Variants in SLC4A4 observed in about 807,000 individuals in gnomAD.
SLC4A4 encodes electrogenic sodium bicarbonate cotransporter 1.
SLC4A4 carries 27 observed loss-of-function variants against 111.5 expected under a neutral mutation model. That is an observed-to-expected ratio of 0.24 (90% confidence interval 0.18 to 0.33). The LOEUF (loss-of-function observed/expected upper bound fraction) is 0.33, where lower values mean the gene tolerates loss of function less well. Ranked by LOEUF, SLC4A4 falls within the 10% of genes least tolerant of loss-of-function variation. The pLI is 1.00. For missense variants in SLC4A4, 909 were observed against 1,315.5 expected (o/e 0.69, Z 4.78); for synonymous variants, 443 against 463.4 (o/e 0.96, Z 0.57).
chr4:71,532,708 A>G (rs1734050779), intron 17 of SLC4A4, among the ~76,000 whole-genome samples: 1 of 152,012 alleles, frequency 6.6e-6, no homozygotes, highest in African/African-American at 2.4e-5. Flanking sequence ...GTCTCACTAT[A>G]TTACCCAGTC....
chr4:71,207,624 A>G (rs1318692938), intron 1 of SLC4A4, among the ~76,000 whole-genome samples: 1 of 152,218 alleles, frequency 6.6e-6, no homozygotes, highest in Non-Finnish European at 1.5e-5. Flanking sequence ...GTGGTAAAGG[A>G]AGTATTGGAA....
chr4:71,423,282 G>A (rs1393737697), intron 7 of SLC4A4, among the ~76,000 whole-genome samples: 2 of 152,050 alleles, frequency 1.3e-5, no homozygotes, highest in African/African-American at 4.8e-5. Flanking sequence ...ACCTTACAAG[G>A]GATGTGAAGG....
At chr4:71,118,393 T>C (rs1452706615) in intron 2 of SLC4A4, among the ~76,000 whole-genome samples, 1 of 152,212 alleles carries the variant, frequency 6.6e-6, no homozygotes, top group Non-Finnish European at 1.5e-5. Flanking sequence ...CTCACTTTCA[T>C]CTTACATGAT....
chr4:71,267,135 C>T (rs922053146), intron 3 of SLC4A4, among the ~76,000 whole-genome samples: 1 of 152,134 alleles, frequency 6.6e-6, no homozygotes, highest in Non-Finnish European at 1.5e-5. Context: ...AGACTTTCTA[C>T]CCTTGGGGAG....
chr4:71,556,207 T>C, intron 21 of SLC4A4, among the ~76,000 whole-genome samples: 1 of 151,944 alleles, frequency 6.6e-6, no homozygotes, highest in Admixed American at 6.6e-5. Context: ...GTCTGCTGAG[T>C]AGAGTTCGTC....
intron 15 of SLC4A4, among the ~76,000 whole-genome samples, chr4:71,496,311 G>C (rs1730400086): frequency 6.6e-6 from 1 of 152,042 alleles, no homozygotes; most frequent in Admixed American, 6.6e-5. Flanking sequence ...ATAGGGATTT[G>C]GGGTGCGTGT....
Position 71,497,592 on chromosome 4 carries a change from T to A in SLC4A4, c.2066T>A (p.Val689Asp). 1 of 1,613,682 alleles carries A rather than the reference T, an allele frequency of 6.2e-7. No homozygotes were observed. The highest frequency in any genetic ancestry group is 2.2e-5 in the East Asian group (1 of 44,828). Residue 689 changes from valine to aspartate, a missense_variant, in exon 16 of 26, where the codon GTT becomes GAT. By Grantham distance (152) the Val-to-Asp change is radical. This residue lies in a region of SLC4A4 where 264 missense variants were observed against 356.8 expected (regional missense o/e 0.74). Coordinates refer to ENST00000264485, the MANE Select transcript of SLC4A4 (RefSeq NM_001098484.3). ...CTCGTCGGGAACAACTGTAATTTTG[T>A]TCCTGATATCACACTCATGTCTTTT... ...GNLVGNNCNFVPDITLMSFIL... is the reference protein window; with the variant it reads ...GNLVGNNCNFDPDITLMSFIL...
chr4:71,379,662 G>A (rs1717917937), intron 6 of SLC4A4, among the ~76,000 whole-genome samples: 1 of 152,104 alleles, frequency 6.6e-6, no homozygotes, highest in African/African-American at 2.4e-5. Flanking sequence ...AACCCATTCA[G>A]TTTTGTATTC....
At position 71,204,777 on chromosome 4, in the gene SLC4A4, C is replaced by T. The variant is rs146100615; in HGVS notation, c.-2+17376C>T. 5.2e-4 allele frequency among the ~76,000 whole-genome samples: 79 copies of T among 152,050 alleles called. 1 individual carries two copies. Among genetic ancestry groups the T allele is most frequent in the African/African-American group, 5.5e-4 (23 of 41,468 alleles). On this transcript the variant is annotated intron_variant, in intron 1 of 25. Transcript: ENST00000264485. ...TTTCTAGTCTAACTTAACCTTGGAG[C>T]CTGAGGAATAATGAATATAGACCAT...
intron 4 of SLC4A4, among the ~76,000 whole-genome samples, chr4:71,342,777 A>G (rs1728998999): frequency 6.6e-6 from 1 of 152,210 alleles, no homozygotes; most frequent in South Asian, 2.1e-4. Flanking sequence ...ATTGAATGAT[A>G]GGAGCATAGG....
Position 71,265,736 on chromosome 4 carries a change from C to G in SLC4A4, c.253+10337C>G, listed in dbSNP as rs531543673. ...ATTTTCAAATGATCATAGTGATTCT[C>G]TAACGATTTTCCCTTTATTCTTATG... On this transcript the variant is annotated intron_variant, in intron 3 of 25. Transcript: ENST00000264485. Among the ~76,000 whole-genome samples the G allele has an allele frequency of 2.0e-5, 3 of 152,264 alleles. No homozygotes were observed. The East Asian group carries it at 5.8e-4, about 29-fold the overall frequency.
At chr4:71,109,164 G>A (rs74466489) in intron 2 of SLC4A4, among the ~76,000 whole-genome samples, 1,522 of 150,440 alleles carry the variant, frequency 0.01, 21 homozygotes, top group Non-Finnish European at 0.015. Flanking sequence ...TTTTTTGATT[G>A]CTGTAGGCTG....
At chr4:71,372,055 A>G (rs1731942245) in intron 6 of SLC4A4, among the ~76,000 whole-genome samples, 1 of 152,254 alleles carries the variant, frequency 6.6e-6, no homozygotes, top group Non-Finnish European at 1.5e-5. Flanking sequence ...ATGGACTTAA[A>G]AAACTGCCAG....
chr4:71,082,294 G>C (rs539584475), intron 1 of SLC4A4, among the ~76,000 whole-genome samples: 1 of 151,918 alleles, frequency 6.6e-6, no homozygotes, highest in Non-Finnish European at 1.5e-5. Flanking sequence ...TTTGCAGCCA[G>C]TTATATAGTT....
intron 20 of SLC4A4, among the ~76,000 whole-genome samples, chr4:71,551,714 A>G (rs1171467712): frequency 6.6e-6 from 1 of 151,870 alleles, no homozygotes; most frequent in Non-Finnish European, 1.5e-5. Flanking sequence ...TTCATTTTCC[A>G]TGAGATGATC....
At chr4:71,539,282 A>T (rs770781761) in intron 18 of SLC4A4, among the ~76,000 whole-genome samples, 15 of 149,090 alleles carry the variant, frequency 1.0e-4, no homozygotes, top group Non-Finnish European at 1.5e-4. Context: ...AAAAGCCTTC[A>T]TTTTTTTTTT....
At chr4:71,404,136 C>A (rs1395644081) in intron 7 of SLC4A4, among the ~76,000 whole-genome samples, 1 of 152,020 alleles carries the variant, frequency 6.6e-6, no homozygotes, top group African/African-American at 2.4e-5. Context: ...TGGGTGTAAG[C>A]CACCAAGAAT....
At chr4:71,542,102 C>G (rs1193895540) in intron 18 of SLC4A4, among the ~76,000 whole-genome samples, 1 of 152,052 alleles carries the variant, frequency 6.6e-6, no homozygotes, top group Non-Finnish European at 1.5e-5. Context: ...TTTGGGGCAA[C>G]ATGAATTTGA....
chr4:71,271,495 A>G (rs987234505), intron 3 of SLC4A4, among the ~76,000 whole-genome samples: 1 of 152,232 alleles, frequency 6.6e-6, no homozygotes, highest in Non-Finnish European at 1.5e-5. Context: ...AAACCAAACC[A>G]GGGAGAACAC....
Sources: gnomAD v4.1 joint callset for allele counts (sites outside exome capture counted in the v4.1 genomes callset) on GRCh38, gnomAD v4.1.1 for gene constraint, gnomAD v4.1.1 regional missense constraint, MANE v1.5 for transcripts, NCBI Gene and HGNC (gene_info 2026-07-23, HGNC 2026-07-21) for gene names.